The following DNER variants were observed in gnomAD, a reference collection of about 807,000 sequenced individuals.
DNER encodes delta/notch like EGF repeat containing, also known as delta and Notch-like epidermal growth factor-related receptor.
In DNER, 33 loss-of-function variants were observed where a neutral mutation model predicts 78.2. The ratio of observed to expected loss-of-function variants is 0.42; its 90% confidence interval spans 0.32 to 0.56. The LOEUF (loss-of-function observed/expected upper bound fraction) is 0.56. Among genes scored for constraint, DNER ranks in the 20% least tolerant of loss-of-function variants. DNER has a pLI of 0.11. For synonymous variants in DNER, 417 were observed against 384.8 expected, an observed-to-expected ratio of 1.08 and a Z score of -0.98; for missense variants, 918 against 975.3, an observed-to-expected ratio of 0.94 and a Z score of 0.78.
At chr2:229,693,693 G>C (rs907061313) in intron 1 of DNER, among the ~76,000 whole-genome samples, 1 of 152,136 alleles carries the variant, frequency 6.6e-6, no homozygotes, top group Non-Finnish European at 1.5e-5. Flanking sequence ...GAGATCTGTG[G>C]AACTTTGAAC....
At chr2:229,543,535 C>G (rs1245534072) in intron 5 of DNER, among the ~76,000 whole-genome samples, 1 of 152,212 alleles carries the variant, frequency 6.6e-6, no homozygotes, top group Non-Finnish European at 1.5e-5. Context: ...TCTGGTTCCT[C>G]TTACAGGACA....
chr2:229,540,794 AATG>A (rs1696497162), intron 5 of DNER, among the ~76,000 whole-genome samples: 1 of 152,154 alleles, frequency 6.6e-6, no homozygotes, highest in African/African-American at 2.4e-5. Flanking sequence ...AAGGTTTGAA[AATG>A]ATGCCAGCTC....
intron 1 of DNER, among the ~76,000 whole-genome samples, chr2:229,628,889 T>C (rs1201644079): frequency 1.3e-5 from 2 of 152,216 alleles, no homozygotes; most frequent in East Asian, 3.8e-4. Flanking sequence ...CCACTGACGT[T>C]TCCATCTTGC....
intron 6 of DNER, among the ~76,000 whole-genome samples, chr2:229,504,772 A>T (rs17484035): frequency 0.27 from 40,761 of 152,180 alleles, 6,443 homozygotes; most frequent in Non-Finnish European, 0.35. Context: ...TAGTAAGATG[A>T]TCAATAATCC....
At chr2:229,403,161 C>A (rs1156373792) in intron 10 of DNER, among the ~76,000 whole-genome samples, 1 of 152,184 alleles carries the variant, frequency 6.6e-6, no homozygotes, top group African/African-American at 2.4e-5. Flanking sequence ...TTTGAACACT[C>A]AGTAGCTGGC....
intron 10 of DNER, among the ~76,000 whole-genome samples, chr2:229,403,778 G>T (rs900951466): frequency 6.6e-6 from 1 of 151,974 alleles, no homozygotes. Context: ...GCAGAGGGGG[G>T]CTGAGAGGCA....
chr2:229,440,126 T>C (rs1312539621), intron 8 of DNER, among the ~76,000 whole-genome samples: 1 of 152,192 alleles, frequency 6.6e-6, no homozygotes, highest in African/African-American at 2.4e-5. Flanking sequence ...CTCATAAAAA[T>C]TTCATGCTCC....
chr2:229,529,831 T>C (rs1421816414), intron 5 of DNER, among the ~76,000 whole-genome samples: 2 of 152,112 alleles, frequency 1.3e-5, no homozygotes, highest in African/African-American at 2.4e-5. Flanking sequence ...AACATAGGGA[T>C]ACCCTGTCTC....
Position 229,424,060 on chromosome 2 carries a change from G to A in DNER, c.1487-5830C>T, listed in dbSNP as rs114546552. Among the ~76,000 whole-genome samples, 1,231 of 152,260 alleles carry A rather than the reference G, an allele frequency of 8.1e-3. 21 individuals carry two copies. Among genetic ancestry groups the A allele is most frequent in the African/African-American group, 0.028 (1,181 of 41,538 alleles). On this transcript the variant is annotated intron_variant, in intron 8 of 12. Coordinates refer to ENST00000341772, the MANE Select transcript of DNER (RefSeq NM_139072.4). ...CTACACAAATAAAACTGTTACATAA[G>A]CACCCAAAATGTTATCAATTGATTC...
At chr2:229,360,381 C>T (rs1196600970) in intron 12 of DNER, among the ~76,000 whole-genome samples, 2 of 152,026 alleles carry the variant, frequency 1.3e-5, no homozygotes, top group Admixed American at 6.6e-5. Flanking sequence ...AAGGAAAAAC[C>T]CAATTGTATA....
intron 11 of DNER, among the ~76,000 whole-genome samples, chr2:229,373,880 G>A (rs1692543898): frequency 6.6e-6 from 1 of 152,158 alleles, no homozygotes. Flanking sequence ...ATAAGTGGGA[G>A]CTGGCCAGGC....
At chr2:229,561,374 C>G (rs904869161) in intron 4 of DNER, among the ~76,000 whole-genome samples, 1 of 152,158 alleles carries the variant, frequency 6.6e-6, no homozygotes, top group Non-Finnish European at 1.5e-5. Context: ...ATACAATCAA[C>G]TTGCTATCAC....
intron 11 of DNER, among the ~76,000 whole-genome samples, chr2:229,380,488 A>G (rs938644351): frequency 6.6e-6 from 1 of 152,204 alleles, no homozygotes; most frequent in African/African-American, 2.4e-5. Flanking sequence ...CCAGGAAAAG[A>G]AGCAATCTGG....
chr2:229,386,295 C>T (rs1469043905), intron 11 of DNER, among the ~76,000 whole-genome samples: 2 of 152,178 alleles, frequency 1.3e-5, no homozygotes, highest in Admixed American at 1.3e-4. Context: ...TGGACCCCTT[C>T]CTTACACCTT....
chr2:229,658,751 C>G (rs2154216484), intron 1 of DNER, among the ~76,000 whole-genome samples: 1 of 152,240 alleles, frequency 6.6e-6, no homozygotes, highest in East Asian at 1.9e-4. Context: ...TCTAATCTTG[C>G]CTTGATGCCC....
intron 1 of DNER, among the ~76,000 whole-genome samples, chr2:229,647,589 G>A (rs921578287): frequency 1.3e-5 from 2 of 152,104 alleles, no homozygotes; most frequent in Admixed American, 6.5e-5. Flanking sequence ...GTGCACAAAG[G>A]TTTTTATATA....
At chr2:229,639,813 C>T (rs764194408) in intron 1 of DNER, among the ~76,000 whole-genome samples, 13 of 152,092 alleles carry the variant, frequency 8.5e-5, no homozygotes, top group African/African-American at 1.4e-4. Context: ...CAGGATGCAG[C>T]GAAGAACCCA....
intron 6 of DNER, among the ~76,000 whole-genome samples, chr2:229,509,329 T>A (rs544372125): frequency 1.2e-4 from 18 of 152,236 alleles, no homozygotes; most frequent in Non-Finnish European, 1.9e-4. Flanking sequence ...CCAAAAGAGA[T>A]ATTGCAACCA....
intron 11 of DNER, among the ~76,000 whole-genome samples, chr2:229,367,533 G>A (rs907722550): frequency 4.6e-5 from 7 of 152,024 alleles, no homozygotes; most frequent in African/African-American, 7.3e-5. Flanking sequence ...CTCGGGAGGC[G>A]GAGGTTGCAG....
Sources: gnomAD v4.1 joint callset for allele counts (sites outside exome capture counted in the v4.1 genomes callset) on GRCh38, gnomAD v4.1.1 for gene constraint, MANE v1.5 for transcripts, NCBI Gene and HGNC (gene_info 2026-07-23, HGNC 2026-07-21) for gene names.